DDX52: variants seen among roughly 807,000 people sequenced by gnomAD.
DDX52 encodes probable ATP-dependent RNA helicase DDX52.
DDX52 carries 59 observed loss-of-function variants against 76.1 expected under a neutral mutation model. That is an observed-to-expected ratio of 0.78 (90% CI 0.63 to 0.96). The LOEUF is 0.96. Ranked by LOEUF, DDX52 falls within the 40% of genes least tolerant of loss-of-function variation. DDX52 has a pLI of 0.00. For synonymous variants in DDX52, 231 were observed against 244.1 expected, an observed-to-expected ratio of 0.95 and a Z score of 0.50; for missense variants, 707 against 703.9, an observed-to-expected ratio of 1.00 and a Z score of -0.05.
intron 9 of DDX52, chr17:37,624,064 G>A (rs1000684177): frequency 9.3e-6 from 2 of 215,802 alleles, no homozygotes; most frequent in Non-Finnish European, 1.8e-5. Context: ...CCTAATCTGA[G>A]CTGCGAAAAG....
chr17:37,616,623 C>A (rs2064429519), intron 14 of DDX52, among the ~76,000 whole-genome samples: 1 of 150,708 alleles, frequency 6.6e-6, no homozygotes, highest in Admixed American at 6.6e-5. Flanking sequence ...ACACTGCACT[C>A]CAGCCTGGGC....
rs528351209 is a variant in DDX52 at position 37,633,701 on chromosome 17, T to C, written c.287-283A>G. On this transcript the variant is annotated intron_variant, in intron 2 of 14. Coordinates refer to ENST00000617633, the MANE Select transcript of DDX52 (RefSeq NM_007010.5). ...AAGGTTTTAATCTTGGATGTATGTG[T>C]AGCAAGAAAGCCATACCTTCACACT... Among the ~76,000 whole-genome samples, 6 of 150,466 alleles carry C rather than the reference T, an allele frequency of 4.0e-5. No homozygotes were observed. In the East Asian group the frequency reaches 1.2e-3, roughly 29 times the overall value.
intron 5 of DDX52, among the ~76,000 whole-genome samples, chr17:37,629,801 T>G (rs1020961268): frequency 6.6e-5 from 10 of 152,176 alleles, no homozygotes; most frequent in Non-Finnish European, 2.9e-5. Flanking sequence ...CTTAAAGCAT[T>G]TACCAAAGAA....
chr17:37,633,043 C>CGGA (rs2030754190), intron 3 of DDX52, among the ~76,000 whole-genome samples: 1 of 152,134 alleles, frequency 6.6e-6, no homozygotes, highest in African/African-American at 2.4e-5. Flanking sequence ...TACTATCAAT[C>CGGA]TTGAAACTTG....
intron 5 of DDX52, 88 bp from the exon 6 acceptor site, chr17:37,628,760 T>A: frequency 2.2e-6 from 2 of 926,808 alleles, no homozygotes; most frequent in Non-Finnish European, 3.2e-6. Context: ...ATAAATCTAT[T>A]ACCAACCCAT....
intron 13 of DDX52, among the ~76,000 whole-genome samples, chr17:37,619,348 AAAAT>A (rs908632484): frequency 6.6e-6 from 1 of 152,186 alleles, no homozygotes; most frequent in African/African-American, 2.4e-5. Context: ...CTCAAGGAAA[AAAAT>A]AAATAAATAA....
rs1379367707 is a variant in DDX52 at position 37,612,198 on chromosome 17, T to TC, written c.*2097dup. On this transcript the variant is annotated 3_prime_UTR_variant, in exon 15 of 15. Coordinates refer to ENST00000617633, the MANE Select transcript of DDX52 (RefSeq NM_007010.5). ...TTCAAGCTATTCTCCTGCCTCAGAC[T>TC]CCTGAGTAGCCGGGACTATGCCACC... 1 of 151,880 alleles carries TC rather than the reference T, an allele frequency of 6.6e-6. No homozygotes were observed. Among genetic ancestry groups the TC allele is most frequent in the African/African-American group, 2.4e-5 (1 of 41,328 alleles). The allele number at this position is 151,880 out of a possible 1,614,324, so 9.4% of individuals were successfully genotyped here.
At chr17:37,641,608 G>C (rs1309531346) in intron 2 of DDX52, among the ~76,000 whole-genome samples, 1 of 151,524 alleles carries the variant, frequency 6.6e-6, no homozygotes, top group Admixed American at 6.6e-5. Flanking sequence ...GTGGTGACAC[G>C]CACCTGTAGT....
chr17:37,636,407 T>C lies in DDX52; in HGVS notation c.287-2989A>G, dbSNP rs1212236698. On this transcript the variant is annotated intron_variant, in intron 2 of 14. Coordinates refer to ENST00000617633, the MANE Select transcript of DDX52 (RefSeq NM_007010.5). ...ACCATATATGCATGGGTTTGTGGAC[T>C]AGCTGTTCTGTTTCACTGATCTATA... Among the ~76,000 whole-genome samples the C allele has an allele frequency of 1.3e-5, 2 of 152,234 alleles. 1 individual carries two copies. The highest frequency in any genetic ancestry group is 3.8e-4 in the East Asian group (2 of 5,198).
intron 4 of DDX52, 26 bp downstream of exon 4, chr17:37,632,076 AAGGAATGTTAC>A: frequency 6.2e-7 from 1 of 1,611,996 alleles, no homozygotes; most frequent in Non-Finnish European, 8.5e-7. Flanking sequence ...CACACAGAGG[AAGGAATGTTAC>A]AGGCATTCTA....
intron 14 of DDX52, among the ~76,000 whole-genome samples, chr17:37,616,937 C>T (rs972457961): frequency 4.6e-5 from 7 of 152,184 alleles, no homozygotes; most frequent in Non-Finnish European, 1.0e-4. Context: ...TGCCTCTATT[C>T]ATCTTGTTCC....
rs535066251 is a variant in DDX52, at chr17:37,618,045, G to C, written c.1742+247C>G. ...CAGTAGAATGGCTTGAACCCGGGAG[G>C]CAGAGGTTGCAGTGAGCTGAGATCA... On this transcript the variant is annotated intron_variant, in intron 14 of 14. Transcript: ENST00000617633. Among the ~76,000 whole-genome samples the C allele has an allele frequency of 3.8e-3, 575 of 152,264 alleles. 3 individuals carry two copies. The highest frequency in any genetic ancestry group is 0.013 in the African/African-American group (549 of 41,548).
chr17:37,618,337 A>G lies in DDX52; in HGVS notation c.1697T>C (p.Ile566Thr). 6.3e-7 allele frequency: 1 copy of G among 1,596,494 alleles called. No individual in the cohort carries two copies. The highest frequency in any genetic ancestry group is 8.5e-7 in the Non-Finnish European group (1 of 1,175,052). The change falls in exon 14 of 15, where the codon ATT (isoleucine) becomes ACT (threonine). Residue 566 changes from isoleucine to threonine, a missense_variant. Physicochemically the swap from Ile to Thr is moderately conservative, Grantham distance 89. Coordinates refer to ENST00000617633, the MANE Select transcript of DDX52 (RefSeq NM_007010.5). ...TAAGAAACATTTTGGAGTTGTACTA[A>G]TGCTCTCCCTTTCCAATGGTTTCTT... The part of the protein sequence containing the change: ...MIKKPLERES[I>T]STTPKCFLEK...
chr17:37,621,650 T>C, intron 9 of DDX52, 130 bp from the exon 10 acceptor site: 7 of 1,224,524 alleles, frequency 5.7e-6, no homozygotes, highest in Non-Finnish European at 7.7e-6. Flanking sequence ...TTTCTTGGGC[T>C]AGTGGTCTAA....
At chr17:37,620,685 A>G (rs2030036030) in intron 12 of DDX52, 188 bp downstream of exon 12, 2 of 487,030 alleles carry the variant, frequency 4.1e-6, no homozygotes, top group Non-Finnish European at 7.1e-6. Context: ...CCAAATTCTA[A>G]TAACGGAAGG....
At position 37,609,891 on chromosome 17, in the gene DDX52, T is replaced by G. The variant is rs2064274218; in HGVS notation, c.*4405A>C. 1 of 152,424 alleles carries G rather than the reference T, an allele frequency of 6.6e-6. No homozygotes were observed. The highest frequency in any genetic ancestry group is 1.5e-5 in the Non-Finnish European group (1 of 68,228). The allele number at this position is 152,424 out of a possible 1,614,324, so 9.4% of individuals were successfully genotyped here. On this transcript the variant is annotated 3_prime_UTR_variant, in exon 15 of 15. Coordinates refer to ENST00000617633, the MANE Select transcript of DDX52 (RefSeq NM_007010.5). ...TTCTCTGGAACTCGGTAGCTTCATG[T>G]TGGCACCTATCACAGACGCTGAAGG...
At chr17:37,617,863 G>A (rs1030518680) in intron 14 of DDX52, among the ~76,000 whole-genome samples, 2 of 152,154 alleles carry the variant, frequency 1.3e-5, no homozygotes, top group African/African-American at 2.4e-5. Flanking sequence ...GGTGGCTCAC[G>A]CCTGTAATCC....
intron 2 of DDX52, chr17:37,639,337 A>G: frequency 2.1e-6 from 2 of 966,178 alleles, no homozygotes; most frequent in Non-Finnish European, 1.2e-6. Context: ...AAGGCATCGC[A>G]AAGTAGAATA....
chr17:37,632,152 A>T lies in DDX52; in HGVS notation c.564T>A (p.Pro188=), dbSNP rs61749871. ...QNILDAGFQM[P]TPIQMQAIPV... is the part of the protein sequence containing the mutation. ...GGATGGCTTGCATTTGGATTGGCGT[A>T]GGCATTTGGAAACCTGCATCTAGAA... Residue 188 remains proline, a synonymous_variant, in exon 4 of 15, where the codon CCT becomes CCA. Transcript: ENST00000617633. 15,338 of 1,613,498 alleles carry T rather than the reference A, an allele frequency of 9.5e-3. 180 individuals carry two copies. The highest frequency in any genetic ancestry group is 0.029 in the South Asian group (2,669 of 91,034).
Sources: allele counts gnomAD v4.1 joint callset (sites outside exome capture counted in the v4.1 genomes callset), GRCh38; gene constraint gnomAD v4.1.1; transcripts MANE v1.5; gene names NCBI Gene and HGNC (gene_info 2026-07-23, HGNC 2026-07-21).